The following ICA1L variants were observed in gnomAD, a reference collection of about 807,000 sequenced individuals.
ICA1L encodes the protein islet cell autoantigen 1-like protein.
Under a neutral mutation model 61.3 loss-of-function variants are expected in ICA1L, and 50 were observed. That is an observed-to-expected ratio of 0.82 (90% CI 0.65 to 1.03). The LOEUF (loss-of-function observed/expected upper bound fraction) is 1.03, where lower values mean the gene tolerates loss of function less well. Among genes scored for constraint, ICA1L ranks in the 50% least tolerant of loss-of-function variants. The pLI is 0.00. For synonymous variants in ICA1L, 161 were observed against 191.3 expected, an observed-to-expected ratio of 0.84 and a Z score of 1.31; for missense variants, 508 against 556.7, an observed-to-expected ratio of 0.91 and a Z score of 0.88.
rs530856999 is a variant in ICA1L, at chr2:202,787,979, A to C, written c.1243+851T>G. ...CATTACTGAACATCAGAAGCAGAAG[A>C]AGCAACACAAGCACAGATAGATGCA... On this transcript the variant is annotated intron_variant, in intron 11 of 12. Coordinates refer to ENST00000358299, the MANE Select transcript of ICA1L (RefSeq NM_001288622.3). 1.1e-4 allele frequency among the ~76,000 whole-genome samples: 17 copies of C among 152,332 alleles called. 1 individual carries two copies. In the South Asian group the frequency reaches 3.5e-3, roughly 32 times the overall value.
chr2:202,824,556 G>A (rs943342051), intron 3 of ICA1L, among the ~76,000 whole-genome samples: 2 of 152,156 alleles, frequency 1.3e-5, no homozygotes, highest in Non-Finnish European at 1.5e-5. Flanking sequence ...CCCTCTGAGG[G>A]CAGAGAGTAT....
chr2:202,816,349 AAT>A (rs1693534113), intron 6 of ICA1L, among the ~76,000 whole-genome samples: 1 of 152,178 alleles, frequency 6.6e-6, no homozygotes, highest in Non-Finnish European at 1.5e-5. Context: ...CAAAAATACC[AAT>A]CTCTGTTAAA....
intron 12 of ICA1L, among the ~76,000 whole-genome samples, chr2:202,785,016 G>A (rs898017835): frequency 4.0e-5 from 6 of 151,856 alleles, no homozygotes; most frequent in East Asian, 3.9e-4. Context: ...TCAGGAGATC[G>A]AGACCATCCT....
intron 9 of ICA1L, among the ~76,000 whole-genome samples, chr2:202,798,631 A>C (rs1201065692): frequency 6.6e-6 from 1 of 152,172 alleles, no homozygotes; most frequent in Admixed American, 6.5e-5. Flanking sequence ...TGGTCAAGTC[A>C]GGGTATTTAG....
At chr2:202,790,770 GAAGA>G (rs1427727058) in intron 10 of ICA1L, among the ~76,000 whole-genome samples, 1 of 152,164 alleles carries the variant, frequency 6.6e-6, no homozygotes, top group African/African-American at 2.4e-5. Context: ...GTGGTTTCAT[GAAGA>G]AAGAGGCAAG....
chr2:202,858,032 T>C (rs1488784380), intron 1 of ICA1L, among the ~76,000 whole-genome samples: 1 of 152,128 alleles, frequency 6.6e-6, no homozygotes, highest in African/African-American at 2.4e-5. Flanking sequence ...GGAGTGTAAA[T>C]TAGTTGGACC....
intron 1 of ICA1L, among the ~76,000 whole-genome samples, chr2:202,847,695 T>TATATATATA (rs1694501069): frequency 9.8e-6 from 1 of 102,228 alleles, no homozygotes; most frequent in African/African-American, 4.3e-5. Flanking sequence ...TATATGGGAA[T>TATATATATA]TATATATATA....
At chr2:202,839,628 G>GT (rs1206266491) in intron 1 of ICA1L, among the ~76,000 whole-genome samples, 1 of 124,424 alleles carries the variant, frequency 8.0e-6, no homozygotes, top group Non-Finnish European at 1.6e-5. Context: ...GTTTTGTTTT[G>GT]TTTTTTAACC....
chr2:202,851,214 A>T (rs190134564), intron 1 of ICA1L, among the ~76,000 whole-genome samples: 1 of 139,980 alleles, frequency 7.1e-6, no homozygotes, highest in East Asian at 2.1e-4. Context: ...TCCTGTGACC[A>T]AGTGTTCTCA....
At chr2:202,791,581 T>C (rs989790343) in intron 10 of ICA1L, among the ~76,000 whole-genome samples, 4 of 152,238 alleles carry the variant, frequency 2.6e-5, no homozygotes, top group African/African-American at 9.6e-5. Flanking sequence ...GCACTGTGGC[T>C]CACACCTGTA....
chr2:202,868,379 T>C (rs1342047533), intron 1 of ICA1L, among the ~76,000 whole-genome samples: 1 of 152,166 alleles, frequency 6.6e-6, no homozygotes, highest in African/African-American at 2.4e-5. Context: ...GATGAAAGCA[T>C]TAGATAGTAT....
chr2:202,776,968 A>G lies in ICA1L; in HGVS notation c.*2565T>C, dbSNP rs1469518159. The G allele has an allele frequency of 1.3e-5, 2 of 151,824 alleles. No homozygotes were observed. Among genetic ancestry groups the G allele is most frequent in the Non-Finnish European group, 2.9e-5 (2 of 68,006 alleles). 9.4% of individuals were successfully genotyped at this position (151,824 alleles called of 1,614,324 possible). A position where few individuals can be genotyped will look rare whatever the true frequency, so the allele number is the denominator to read the frequency against. On this transcript the variant is annotated 3_prime_UTR_variant, in exon 13 of 13. Transcript: ENST00000358299. ...CCTTGCACACATGTGAGGGAGATAA[A>G]TATCTCAGAACTAATGCATTAGCAA... is the stretch of plus-strand genomic sequence containing the variant.
rs1692150419 is a variant in ICA1L, at chr2:202,774,336, C to T, written c.*5197G>A. On this transcript the variant is annotated 3_prime_UTR_variant, in exon 13 of 13. Transcript: ENST00000358299. Reference sequence around the variant, plus strand: ...GCGCGCGTTCCCCGCAGCGCTGAGGCGAGCCTGCCGCGCGCTCCGCTCAGC... The same window carrying T: ...GCGCGCGTTCCCCGCAGCGCTGAGGTGAGCCTGCCGCGCGCTCCGCTCAGC... 7 of 1,410,296 alleles carry T rather than the reference C, an allele frequency of 5.0e-6. No individual in the cohort carries two copies. Among genetic ancestry groups the T allele is most frequent in the South Asian group, 1.5e-5 (1 of 66,226 alleles). 87.4% of individuals were successfully genotyped at this position (1,410,296 alleles called of 1,614,324 possible). A position where few individuals can be genotyped will look rare whatever the true frequency, so the allele number is the denominator to read the frequency against.
intron 8 of ICA1L, among the ~76,000 whole-genome samples, chr2:202,813,258 C>CAAA (rs34755589): frequency 8.3e-6 from 1 of 120,302 alleles, no homozygotes; most frequent in Non-Finnish European, 1.7e-5. Flanking sequence ...GAGACTCTGT[C>CAAA]AAAAAAAAAA....
intron 11 of ICA1L, 58 bp from the exon 12 acceptor site, chr2:202,786,065 A>G: frequency 2.1e-6 from 2 of 962,022 alleles, no homozygotes. Flanking sequence ...CAGCATCAGA[A>G]AAACAAGAAA....
At chr2:202,829,919 A>C (rs1189681481) in intron 1 of ICA1L, among the ~76,000 whole-genome samples, 1 of 152,182 alleles carries the variant, frequency 6.6e-6, no homozygotes, top group Non-Finnish European at 1.5e-5. Flanking sequence ...TATAGTTATA[A>C]TCGCTATGTC....
Position 202,829,034 on chromosome 2 carries a change from A to G in ICA1L, c.-7-18T>C. 1.3e-6 allele frequency: 2 copies of G among 1,515,994 alleles called. No homozygotes were observed. Among genetic ancestry groups the G allele is most frequent in the Non-Finnish European group, 1.8e-6 (2 of 1,136,934 alleles). The allele number at this position is 1,515,994 out of a possible 1,614,324, so 93.9% of individuals were successfully genotyped here. On this transcript the variant is annotated intron_variant, in intron 1 of 12. Coordinates refer to ENST00000358299, the MANE Select transcript of ICA1L (RefSeq NM_001288622.3). Reference sequence around the variant, plus strand: ...TGGAGTGACTACAATGAACAGACTAAAATTAAACTTCTTTTAAAAATTCTC... The same window carrying G: ...TGGAGTGACTACAATGAACAGACTAGAATTAAACTTCTTTTAAAAATTCTC...
intron 1 of ICA1L, among the ~76,000 whole-genome samples, chr2:202,861,823 T>C (rs1004216945): frequency 6.9e-5 from 9 of 130,860 alleles, no homozygotes; most frequent in Non-Finnish European, 1.4e-4. Context: ...ATACAGAGGG[T>C]GAGTAAGCCG....
At chr2:202,864,066 C>T (rs750208755) in intron 1 of ICA1L, among the ~76,000 whole-genome samples, 6 of 152,028 alleles carry the variant, frequency 3.9e-5, no homozygotes, top group East Asian at 1.9e-4. Context: ...GAAAACAAAA[C>T]GAAACCCTTT....
Sources: allele counts gnomAD v4.1 joint callset (sites outside exome capture counted in the v4.1 genomes callset), GRCh38; gene constraint gnomAD v4.1.1; transcripts MANE v1.5; gene names NCBI Gene and HGNC (gene_info 2026-07-23, HGNC 2026-07-21).